The following TOMM7 variants were observed in gnomAD, a reference collection of about 807,000 sequenced individuals.
TOMM7 encodes translocase of outer mitochondrial membrane 7, also known as mitochondrial import receptor subunit TOM7 homolog.
Under a neutral mutation model 9.5 loss-of-function variants are expected in TOMM7, and 8 were observed. That is an observed-to-expected ratio of 0.84 (90% CI 0.49 to 1.51). TOMM7 has a LOEUF of 1.51. Ranked by LOEUF, TOMM7 falls within the 40% of genes most tolerant of loss-of-function variation. The pLI is 0.00. For synonymous variants in TOMM7, 27 were observed against 21.4 expected, an observed-to-expected ratio of 1.26 and a Z score of -0.72; for missense variants, 74 against 63.7, an observed-to-expected ratio of 1.16 and a Z score of -0.55.
intron 2 of TOMM7, among the ~76,000 whole-genome samples, chr7:22,814,869 T>C (rs2286508): frequency 0.11 from 17,396 of 152,236 alleles, 1,095 homozygotes; most frequent in Non-Finnish European, 0.14. Flanking sequence ...ACAATAAATA[T>C]ATGTAGAAAC....
At chr7:22,817,091 G>A (rs775685753) in intron 2 of TOMM7, among the ~76,000 whole-genome samples, 6 of 152,068 alleles carry the variant, frequency 3.9e-5, no homozygotes, top group African/African-American at 7.3e-5. Context: ...GGAGAAATCC[G>A]ATTCACTAGT....
chr7:22,817,538 G>A lies in TOMM7; in HGVS notation c.152+462C>T, dbSNP rs111285761. The A allele has an allele frequency of 1.4e-3, 264 of 193,070 alleles. 1 individual carries two copies. Among genetic ancestry groups the A allele is most frequent in the African/African-American group, 6.1e-3 (255 of 42,020 alleles). The allele number at this position is 193,070 out of a possible 1,614,324, so 12.0% of individuals were successfully genotyped here. A position where few individuals can be genotyped will look rare whatever the true frequency, so the allele number is the denominator to read the frequency against. ...CAAAGTGCTGAGATTACAGGTGTGA[G>A]CCACCACACCCTGCCCAAATGTTAA... On this transcript the variant is annotated intron_variant, in intron 2 of 2. Transcript: ENST00000358435.
In TOMM7 at chr7:22,822,664, T is replaced by C; in HGVS notation, c.103+13A>G. ...TTCCCTCCAGTCACTTTCCCGGTTC[T>C]TCTCCCACTGACCCAGGTAAATCAC... On this transcript the variant is annotated intron_variant, in intron 1 of 2. Transcript: ENST00000358435. The C allele has an allele frequency of 6.2e-7, 1 of 1,609,458 alleles. No homozygotes were observed.
At chr7:22,815,187 G>A (rs1782301167) in intron 2 of TOMM7, among the ~76,000 whole-genome samples, 1 of 152,168 alleles carries the variant, frequency 6.6e-6, no homozygotes, top group Admixed American at 6.5e-5. Context: ...ATGAAGAAAT[G>A]AAAAGCAGTA....
intron 1 of TOMM7, among the ~76,000 whole-genome samples, chr7:22,821,335 G>T (rs1382905214): frequency 6.6e-6 from 1 of 151,764 alleles, no homozygotes; most frequent in Non-Finnish European, 1.5e-5. Context: ...GCGAGAACCC[G>T]GGAGGCGGAG....
At chr7:22,821,552 A>G (rs1434974346) in intron 1 of TOMM7, among the ~76,000 whole-genome samples, 5 of 152,172 alleles carry the variant, frequency 3.3e-5, no homozygotes, top group Non-Finnish European at 5.9e-5. Context: ...GTTTGAGGCC[A>G]GCCTGGCCCA....
intron 1 of TOMM7, among the ~76,000 whole-genome samples, chr7:22,821,453 G>C (rs1456211830): frequency 1.3e-5 from 2 of 151,268 alleles, no homozygotes; most frequent in East Asian, 3.9e-4. Flanking sequence ...CCTGGCCGCG[G>C]TGATTCACAC....
intron 2 of TOMM7, among the ~76,000 whole-genome samples, chr7:22,814,908 T>C (rs1782297318): frequency 6.6e-6 from 1 of 152,192 alleles, no homozygotes. Flanking sequence ...AAACAATAAA[T>C]TTTACGTTAA....
At chr7:22,822,411 A>C in intron 1 of TOMM7, 1 of 889,516 alleles carries the variant, frequency 1.1e-6, no homozygotes, top group Non-Finnish European at 1.7e-6. Context: ...CCCTCCCTAC[A>C]ATCCCGAGAA....
chr7:22,814,170 TAA>T (rs5882860), intron 2 of TOMM7, among the ~76,000 whole-genome samples: 45 of 139,244 alleles, frequency 3.2e-4, no homozygotes, highest in Non-Finnish European at 3.7e-4. Flanking sequence ...CCCTGTCTCT[TAA>T]AAAAAAAAAA....
At chr7:22,814,507 A>T (rs1383813348) in intron 2 of TOMM7, among the ~76,000 whole-genome samples, 2 of 152,068 alleles carry the variant, frequency 1.3e-5, no homozygotes, top group African/African-American at 4.8e-5. Flanking sequence ...TGACAGAAAA[A>T]AACACACAAA....
At chr7:22,818,996 G>T (rs1782351904) in intron 1 of TOMM7, among the ~76,000 whole-genome samples, 1 of 136,626 alleles carries the variant, frequency 7.3e-6, no homozygotes, top group South Asian at 2.7e-4. Flanking sequence ...AAAGACCAAT[G>T]ATAGAAAAAG....
chr7:22,816,742 C>T (rs1782321688), intron 2 of TOMM7, among the ~76,000 whole-genome samples: 1 of 152,138 alleles, frequency 6.6e-6, no homozygotes, highest in Admixed American at 6.5e-5. Flanking sequence ...AAATTCATAT[C>T]AGATAGTATT....
In TOMM7 at chr7:22,817,982, T is replaced by C. The variant is rs1282621422; in HGVS notation, c.152+18A>G. On this transcript the variant is annotated intron_variant, in intron 2 of 2. Coordinates refer to ENST00000358435, the MANE Select transcript of TOMM7 (RefSeq NM_019059.5). ...GTATGAACATTTGTCCTGAAATGTT[T>C]AGTTTTAAGAGCAGTACCTCAAAAC... is the stretch of plus-strand genomic sequence containing the variant. 5 of 1,611,342 alleles carry C rather than the reference T, an allele frequency of 3.1e-6. No homozygotes were observed. The highest frequency in any genetic ancestry group is 4.2e-6 in the Non-Finnish European group (5 of 1,177,800).
At chr7:22,822,131 T>C (rs1782401446) in intron 1 of TOMM7, 4 of 1,549,184 alleles carry the variant, frequency 2.6e-6, no homozygotes, top group Non-Finnish European at 2.6e-6. Context: ...GGCAAAAAAG[T>C]TTCTCTACGG....
At position 22,813,160 on chromosome 7, in the gene TOMM7, A is replaced by C. The variant is rs748718417; in HGVS notation, c.*10T>G. 6.2e-7 allele frequency: 1 copy of C among 1,613,850 alleles called. No individual in the cohort carries two copies. The highest frequency in any genetic ancestry group is 1.1e-5 in the South Asian group (1 of 91,024). ...TGATTGCCTCCAAATCCAGAAGACC[A>C]AATAATCCTTTATCCCCAAAGTAGG... On this transcript the variant is annotated 3_prime_UTR_variant, in exon 3 of 3. Transcript: ENST00000358435.
At chr7:22,822,486 A>G (rs1368436140) in intron 1 of TOMM7, 191 bp downstream of exon 1, 2 of 703,576 alleles carry the variant, frequency 2.8e-6, no homozygotes, top group Non-Finnish European at 4.7e-6. Flanking sequence ...CTTAAAGACC[A>G]TGCAACTATA....
At chr7:22,822,135 T>C in intron 1 of TOMM7, 1 of 1,549,718 alleles carries the variant, frequency 6.5e-7, no homozygotes, top group Non-Finnish European at 8.7e-7. Context: ...AAAAAGTTTC[T>C]CTACGGCTGT....
intron 2 of TOMM7, among the ~76,000 whole-genome samples, chr7:22,815,683 T>C (rs1279326778): frequency 1.3e-5 from 2 of 152,018 alleles, no homozygotes; most frequent in Admixed American, 6.5e-5. Flanking sequence ...GAATGACAGA[T>C]ACAAAAGGAT....
Sources: allele counts gnomAD v4.1 joint callset (sites outside exome capture counted in the v4.1 genomes callset), GRCh38; gene constraint gnomAD v4.1.1; transcripts MANE v1.5; gene names NCBI Gene and HGNC (gene_info 2026-07-23, HGNC 2026-07-21).